LIPA: variants seen among roughly 807,000 people sequenced by gnomAD.
The protein encoded by LIPA is lysosomal acid lipase/cholesteryl ester hydrolase.
A neutral mutation model predicts 40.6 loss-of-function variants in LIPA; 26 were observed. That is an observed-to-expected ratio of 0.64 (90% CI 0.47 to 0.89). LIPA has a LOEUF of 0.89. LIPA is among the 40% of genes least tolerant of loss of function. The pLI, the probability that LIPA is intolerant of heterozygous loss-of-function variation, is 0.00. For missense variants in LIPA, 455 were observed against 479.6 expected, an observed-to-expected ratio of 0.95 and a Z score of 0.48; for synonymous variants, 188 against 168.4, an observed-to-expected ratio of 1.12 and a Z score of -0.90.
intron 1 of LIPA, among the ~76,000 whole-genome samples, chr10:89,326,656 T>A (rs895261478): frequency 6.6e-6 from 1 of 152,234 alleles, no homozygotes; most frequent in African/African-American, 2.4e-5. Flanking sequence ...TATTACTCAT[T>A]GTATGCTCGC....
At chr10:89,252,560 C>G (rs1484766106), upstream of LIPA, among the ~76,000 whole-genome samples, 1 of 152,212 alleles carries the variant, frequency 6.6e-6, no homozygotes, top group Non-Finnish European at 1.5e-5. Flanking sequence ...GTAATCCCAG[C>G]AGTTTGGGAA....
chr10:89,338,915 A>T, intron 1 of LIPA: 7 of 1,614,184 alleles, frequency 4.3e-6, no homozygotes, highest in Non-Finnish European at 5.9e-6. Context: ...GAACATGCTG[A>T]CCAAGCAGAA....
At chr10:89,267,618 T>C (rs1340781119) in intron 1 of LIPA, among the ~76,000 whole-genome samples, 2 of 147,080 alleles carry the variant, frequency 1.4e-5, no homozygotes, top group Non-Finnish European at 3.0e-5. Flanking sequence ...TTGGGAGATA[T>C]ACCTAATGCT....
At chr10:89,294,175 T>C (rs1243674514) in intron 1 of LIPA, among the ~76,000 whole-genome samples, 1 of 152,250 alleles carries the variant, frequency 6.6e-6, no homozygotes, top group Non-Finnish European at 1.5e-5. Context: ...AATAGGACTA[T>C]GGAAAGATAA....
At chr10:89,309,095 G>C (rs973988971) in intron 1 of LIPA, 3 of 152,170 alleles carry the variant, frequency 2.0e-5, no homozygotes, top group African/African-American at 4.8e-5. Flanking sequence ...AGAGTCCAGG[G>C]CTTCGGATAA....
intron 1 of LIPA, among the ~76,000 whole-genome samples, chr10:89,258,474 A>G (rs1206856056): frequency 6.6e-6 from 1 of 152,222 alleles, no homozygotes; most frequent in Non-Finnish European, 1.5e-5. Flanking sequence ...TCTAAAAAAA[A>G]GACGTTTTAT....
chr10:89,224,811 A>G (rs940523034), intron 6 of LIPA, among the ~76,000 whole-genome samples: 1 of 152,050 alleles, frequency 6.6e-6, no homozygotes, highest in Non-Finnish European at 1.5e-5. Context: ...TGCTTAAATT[A>G]TTTTCTCCCA....
chr10:89,255,330 G>C (rs1843175614), upstream of LIPA, among the ~76,000 whole-genome samples: 2 of 152,200 alleles, frequency 1.3e-5, no homozygotes, highest in African/African-American at 4.8e-5. Context: ...TGAGAACCAA[G>C]TGAAAGGGGT....
At chr10:89,259,003 A>C (rs898763463) in intron 1 of LIPA, among the ~76,000 whole-genome samples, 2 of 152,260 alleles carry the variant, frequency 1.3e-5, no homozygotes, top group African/African-American at 4.8e-5. Flanking sequence ...AAATCTCTGC[A>C]GACAGCAAGT....
intron 1 of LIPA, among the ~76,000 whole-genome samples, chr10:89,332,864 G>C (rs1261519641): frequency 2.0e-5 from 3 of 152,192 alleles, no homozygotes; most frequent in Non-Finnish European, 1.5e-5. Context: ...GGCATATTGA[G>C]AGATCCTAGA....
At chr10:89,335,570 T>G (rs948494561) in intron 1 of LIPA, 4 of 149,524 alleles carry the variant, frequency 2.7e-5, no homozygotes, top group Admixed American at 6.6e-5. Context: ...GAGAGAGAGA[T>G]AGTGTCATCA....
At chr10:89,271,941 G>A (rs1484664202) in intron 1 of LIPA, among the ~76,000 whole-genome samples, 2 of 151,606 alleles carry the variant, frequency 1.3e-5, no homozygotes, top group Non-Finnish European at 2.9e-5. Flanking sequence ...ACATTGTCAC[G>A]CACCTGTAGT....
rs1256416543 is a variant in LIPA at position 89,248,448 on chromosome 10, ATTTATTTAT to A, written c.-1-808_-1-800del. ...TTATTATTATTATTATTTTATATTT[ATTTATTTAT>A]TTATTTATTTATTTATTTATTTATT... On this transcript the variant is annotated intron_variant, in intron 1 of 9. Coordinates refer to ENST00000336233, the MANE Select transcript of LIPA (RefSeq NM_000235.4). 5.7e-3 allele frequency among the ~76,000 whole-genome samples: 387 copies of A among 68,218 alleles called. 5 individuals carry two copies. Among genetic ancestry groups the A allele is most frequent in the African/African-American group, 0.016 (320 of 20,422 alleles). The allele number at this position is 68,218 out of a possible 152,430, so 44.8% of individuals were successfully genotyped here. A position where few individuals can be genotyped will look rare whatever the true frequency, so the allele number is the denominator to read the frequency against.
At chr10:89,264,161 G>T (rs1402606001) in intron 1 of LIPA, among the ~76,000 whole-genome samples, 5 of 152,204 alleles carry the variant, frequency 3.3e-5, no homozygotes, top group African/African-American at 1.2e-4. Context: ...GGCAAGCAGG[G>T]GGGGTGGTAG....
chr10:89,255,861 G>A (rs1843178093), upstream of LIPA, among the ~76,000 whole-genome samples: 1 of 152,200 alleles, frequency 6.6e-6, no homozygotes, highest in Non-Finnish European at 1.5e-5. Context: ...TGCAAACAGA[G>A]GACATGGTTA....
chr10:89,328,305 G>A (rs1159001384), intron 1 of LIPA, among the ~76,000 whole-genome samples: 6 of 152,114 alleles, frequency 3.9e-5, no homozygotes, highest in Non-Finnish European at 7.4e-5. Context: ...GGAACTACAT[G>A]GGGGGAGGCA....
Position 89,392,466 on chromosome 10 carries a change from TCCCC to T in LIPA, c.61+20321_61+20324del. ...TTTTAAAATAGAAACAAAGTTTCAT[TCCCC>T]ACCCCCCCCCGTCAGCAGGAATTCC... On this transcript the variant is annotated intron_variant, in intron 2 of 8. Transcript: ENST00000371837. The T allele has an allele frequency of 2.1e-5, 6 of 285,990 alleles. No homozygotes were observed. In the South Asian group the frequency reaches 2.2e-4, roughly 10 times the overall value. 17.7% of individuals were successfully genotyped at this position (285,990 alleles called of 1,614,324 possible).
At chr10:89,338,856 C>T (rs147021817) in intron 1 of LIPA, 15 of 1,613,972 alleles carry the variant, frequency 9.3e-6, no homozygotes, top group African/African-American at 4.0e-5. Flanking sequence ...ATGGTAACAA[C>T]GAGGCAGCCC....
At chr10:89,291,644 C>T (rs1175333824) in intron 1 of LIPA, among the ~76,000 whole-genome samples, 1 of 152,084 alleles carries the variant, frequency 6.6e-6, no homozygotes, top group Non-Finnish European at 1.5e-5. Context: ...TGACCATGAG[C>T]TGAGTGCAAT....
Sources: gnomAD v4.1 joint callset for allele counts (sites outside exome capture counted in the v4.1 genomes callset) on GRCh38, gnomAD v4.1.1 for gene constraint, MANE v1.5 for transcripts, NCBI Gene and HGNC (gene_info 2026-07-23, HGNC 2026-07-21) for gene names.